MEI4: variants seen among roughly 807,000 people sequenced by gnomAD.
The protein encoded by MEI4 is meiotic double-stranded break formation protein 4.
MEI4 carries 27 observed loss-of-function variants against 31.4 expected under a neutral mutation model. The observed-to-expected ratio is 0.86, with a 90% CI of 0.63 to 1.19. MEI4 has a LOEUF of 1.19. Ranked by LOEUF, MEI4 falls within the 50% of genes most tolerant of loss-of-function variation. The probability of loss-of-function intolerance (pLI) is 0.00; values close to 1 mark genes in which losing one functional copy is unlikely to be tolerated. For missense variants in MEI4, 329 were observed against 398.9 expected, an observed-to-expected ratio of 0.82 and a Z score of 1.49; for synonymous variants, 122 against 145.4, an observed-to-expected ratio of 0.84 and a Z score of 1.16.
chr6:77,832,166 T>C (rs1027793652), intron 4 of MEI4, among the ~76,000 whole-genome samples: 2 of 152,050 alleles, frequency 1.3e-5, no homozygotes, highest in South Asian at 2.1e-4. Flanking sequence ...TTTTCCAACC[T>C]AAAGTAAATA....
chr6:77,921,460 C>T (rs1238491261), intron 4 of MEI4, among the ~76,000 whole-genome samples: 1 of 151,714 alleles, frequency 6.6e-6, no homozygotes, highest in Non-Finnish European at 1.5e-5. Flanking sequence ...TCCATGTTAC[C>T]AGTCGGGCTG....
chr6:77,785,044 C>A (rs2127692750), intron 3 of MEI4, among the ~76,000 whole-genome samples: 1 of 152,206 alleles, frequency 6.6e-6, no homozygotes, highest in South Asian at 2.1e-4. Flanking sequence ...GCTGAAATTT[C>A]CCCGTCAGCT....
intron 2 of MEI4, among the ~76,000 whole-genome samples, chr6:77,728,126 C>T (rs1766874228): frequency 7.2e-6 from 1 of 138,448 alleles, no homozygotes; most frequent in East Asian, 2.0e-4. Context: ...ATATAGTAAA[C>T]ATTCAATTTA....
intron 4 of MEI4, among the ~76,000 whole-genome samples, chr6:77,888,391 C>A (rs1193697710): frequency 1.3e-4 from 20 of 149,342 alleles, no homozygotes. Flanking sequence ...TTCTTAATGG[C>A]AACATTTGAC....
At chr6:77,694,852 T>G (rs1225429186) in intron 2 of MEI4, among the ~76,000 whole-genome samples, 108 of 151,420 alleles carry the variant, frequency 7.1e-4, no homozygotes, top group Middle Eastern at 3.4e-3. Context: ...ACTTCCACAA[T>G]GGTTGAACTA....
chr6:77,883,649 T>C (rs1244339756), intron 4 of MEI4, among the ~76,000 whole-genome samples: 1 of 148,766 alleles, frequency 6.7e-6, no homozygotes, highest in Non-Finnish European at 1.5e-5. Flanking sequence ...TTCTTTTTTA[T>C]GGCACAATAC....
Position 77,761,324 on chromosome 6 carries a change from C to T in MEI4, c.427C>T (p.Leu143=). Residue 143 remains leucine (L), a synonymous_variant, in exon 3 of 5, where the codon CTG becomes TTG. Transcript: ENST00000684080. ...TCTTGTGAAAAGACCTTGTGCTATC[C>T]TGCAAAATCCTTTGTCTTCTCACAT... is the stretch of plus-strand genomic sequence containing the variant. ...LPLVKRPCAI[L]QNPLSSHMQF... The T allele has an allele frequency of 8.1e-7, 1 of 1,232,582 alleles. No homozygotes were observed. Among genetic ancestry groups the T allele is most frequent in the African/African-American group, 1.5e-5 (1 of 64,534 alleles). The allele number at this position is 1,232,582 out of a possible 1,614,324, so 76.4% of individuals were successfully genotyped here. A position where few individuals can be genotyped will look rare whatever the true frequency, so the allele number is the denominator to read the frequency against.
intron 4 of MEI4, among the ~76,000 whole-genome samples, chr6:77,899,530 G>C (rs1393118739): frequency 6.6e-6 from 1 of 152,030 alleles, no homozygotes; most frequent in African/African-American, 2.4e-5. Context: ...TCCTGCTTCA[G>C]TATCGAGGCT....
At chr6:77,898,655 G>T (rs542945793) in intron 4 of MEI4, among the ~76,000 whole-genome samples, 1 of 152,012 alleles carries the variant, frequency 6.6e-6, no homozygotes, top group Non-Finnish European at 1.5e-5. Context: ...GTATGTCCTT[G>T]GCTAGTGCTC....
At position 77,850,019 on chromosome 6, in the gene MEI4, ATTAG is replaced by A. The variant is rs147082592; in HGVS notation, c.900+20962_900+20965del. ...TCTGTTTTATGTTAAACATGTTCAAATTAGTTAGGCATGTGAGAGGATAACTATA... is the reference window on the plus strand; with the variant it reads ...TCTGTTTTATGTTAAACATGTTCAAATTAGGCATGTGAGAGGATAACTATA... On this transcript the variant is annotated intron_variant, in intron 4 of 4. Transcript: ENST00000684080. Among the ~76,000 whole-genome samples the A allele has an allele frequency of 6.1e-3, 930 of 152,234 alleles. 7 individuals are homozygous for A. The highest frequency in any genetic ancestry group is 0.02 in the African/African-American group (844 of 41,556).
chr6:77,799,468 C>G (rs1769182742), intron 3 of MEI4, among the ~76,000 whole-genome samples: 1 of 151,996 alleles, frequency 6.6e-6, no homozygotes, highest in South Asian at 2.1e-4. Flanking sequence ...ATGGTAGTTT[C>G]TTTTGCTGTG....
chr6:77,777,942 A>G (rs1381373539), intron 3 of MEI4, among the ~76,000 whole-genome samples: 1 of 152,132 alleles, frequency 6.6e-6, no homozygotes, highest in Non-Finnish European at 1.5e-5. Context: ...ACAGTTTGGA[A>G]GGTTTGGTAC....
At chr6:77,897,607 A>G (rs1343785445) in intron 4 of MEI4, among the ~76,000 whole-genome samples, 1 of 152,028 alleles carries the variant, frequency 6.6e-6, no homozygotes, top group Non-Finnish European at 1.5e-5. Context: ...AAATGTCAAG[A>G]TCCAAAATAC....
intron 1 of MEI4, among the ~76,000 whole-genome samples, chr6:77,688,403 A>G (rs551331143): frequency 5.9e-5 from 9 of 152,162 alleles, no homozygotes; most frequent in African/African-American, 1.7e-4. Flanking sequence ...TACAAATCTA[A>G]ATGTTCAGAC....
chr6:77,730,424 G>A (rs1449585874), intron 2 of MEI4, among the ~76,000 whole-genome samples: 3 of 151,870 alleles, frequency 2.0e-5, no homozygotes, highest in Non-Finnish European at 4.4e-5. Context: ...GTTAGGAAAC[G>A]GAATTAGGAC....
At chr6:77,658,402 G>A (rs1480939440) in intron 1 of MEI4, among the ~76,000 whole-genome samples, 1 of 152,168 alleles carries the variant, frequency 6.6e-6, no homozygotes, top group Non-Finnish European at 1.5e-5. Flanking sequence ...TAGGCCATCT[G>A]GATGTATACG....
At chr6:77,672,801 G>A (rs1036994637) in intron 1 of MEI4, among the ~76,000 whole-genome samples, 1 of 152,184 alleles carries the variant, frequency 6.6e-6, no homozygotes, top group African/African-American at 2.4e-5. Flanking sequence ...GTCTCCCAAA[G>A]TGCTGGGATT....
rs182211523 is a variant in MEI4 at position 77,923,493 on chromosome 6, T to G, written c.*147T>G. 4 of 708,866 alleles carry G rather than the reference T, an allele frequency of 5.6e-6. No homozygotes were observed. The East Asian group carries it at 1.4e-4, about 25-fold the overall frequency. 43.9% of individuals were successfully genotyped at this position (708,866 alleles called of 1,614,324 possible). ...ATTATCAATTCAACTTAATGGTTAGTCTTAAATTGTATGAAATTTTATGAG... is the reference window on the plus strand; with the variant it reads ...ATTATCAATTCAACTTAATGGTTAGGCTTAAATTGTATGAAATTTTATGAG... On this transcript the variant is annotated 3_prime_UTR_variant, in exon 5 of 5. Coordinates refer to ENST00000684080, the MANE Select transcript of MEI4 (RefSeq NM_001322247.2).
intron 1 of MEI4, among the ~76,000 whole-genome samples, chr6:77,672,440 T>C (rs1304444447): frequency 6.6e-6 from 1 of 152,246 alleles, no homozygotes; most frequent in Non-Finnish European, 1.5e-5. Flanking sequence ...TTCAGAAGAA[T>C]GCTATAAATC....
Sources: gnomAD v4.1 joint callset for allele counts (sites outside exome capture counted in the v4.1 genomes callset) on GRCh38, gnomAD v4.1.1 for gene constraint, MANE v1.5 for transcripts, NCBI Gene and HGNC (gene_info 2026-07-23, HGNC 2026-07-21) for gene names.